Variants in STK35 observed in about 807,000 individuals in gnomAD.
The protein encoded by STK35 is serine/threonine kinase 35.
A neutral mutation model predicts 37.3 loss-of-function variants in STK35; 17 were observed. That is an observed-to-expected ratio of 0.46 (90% confidence interval 0.31 to 0.68). The LOEUF is 0.68. Ranked by LOEUF, STK35 falls within the 30% of genes least tolerant of loss-of-function variation. STK35 has a pLI of 0.05. For synonymous variants in STK35, 385 were observed against 319.1 expected (o/e 1.21, Z -2.20); for missense variants, 595 against 746.7 (o/e 0.80, Z 2.37).
At chr20:2,119,073 T>G (rs1449869157) in intron 3 of STK35, among the ~76,000 whole-genome samples, 2 of 152,228 alleles carry the variant, frequency 1.3e-5, no homozygotes, top group African/African-American at 4.8e-5. Context: ...TTCTCCATCT[T>G]CATGAATTCT....
intron 2 of STK35, 66 bp downstream of exon 2, chr20:2,103,431 C>A: frequency 1.3e-6 from 2 of 1,486,704 alleles, no homozygotes; most frequent in Non-Finnish European, 1.8e-6. Flanking sequence ...GACGGCTTGG[C>A]CCACACTGTT....
At chr20:2,140,180 C>A (rs960291335) in intron 3 of STK35, among the ~76,000 whole-genome samples, 4 of 152,184 alleles carry the variant, frequency 2.6e-5, no homozygotes, top group Admixed American at 6.5e-5. Context: ...ATCACATCAC[C>A]ACTTTTCATT....
chr20:2,101,982 G>C lies in STK35; in HGVS notation c.101G>C (p.Ser34Thr), dbSNP rs528879204. The C allele has an allele frequency of 1.3e-6, 2 of 1,525,852 alleles. No homozygotes were observed. Among genetic ancestry groups the C allele is most frequent in the African/African-American group, 2.8e-5 (2 of 72,242 alleles). 94.5% of individuals were successfully genotyped at this position (1,525,852 alleles called of 1,614,324 possible). A position where few individuals can be genotyped will look rare whatever the true frequency, so the allele number is the denominator to read the frequency against. ...KGLSWREHVE[S>T]HGSLGAQASP... ...CTCAGCTGGCGCGAACACGTGGAAA[G>C]CCACGGGAGCCTAGGAGCCCAGGCT... The change falls in exon 1 of 4, where the codon AGC becomes ACC. Residue 34 changes from serine to threonine, a missense_variant. This residue lies in a region of STK35 where 389 missense variants were observed against 320.0 expected (regional missense o/e 1.22). Coordinates refer to ENST00000381482, the MANE Select transcript of STK35 (RefSeq NM_080836.4).
At chr20:2,102,644 G>A (rs1195903476) in intron 1 of STK35, 124 bp from the exon 2 acceptor site, 21 of 865,398 alleles carry the variant, frequency 2.4e-5, no homozygotes, top group Admixed American at 1.7e-4. Flanking sequence ...TTCAATCAGC[G>A]GCGGTGGCTT....
chr20:2,104,350 G>A (rs1985472767), intron 2 of STK35, among the ~76,000 whole-genome samples: 1 of 152,174 alleles, frequency 6.6e-6, no homozygotes. Context: ...TCTCAGTGCT[G>A]AAGTAATTTT....
chr20:2,120,894 T>C (rs1985805315), intron 3 of STK35, among the ~76,000 whole-genome samples: 1 of 151,832 alleles, frequency 6.6e-6, no homozygotes, highest in African/African-American at 2.4e-5. Flanking sequence ...GATCTGAAGC[T>C]TGGGTGGTGG....
chr20:2,107,744 G>C (rs148737307), intron 2 of STK35, among the ~76,000 whole-genome samples: 2 of 152,154 alleles, frequency 1.3e-5, no homozygotes, highest in African/African-American at 2.4e-5. Context: ...CTTCAGAGCA[G>C]AGCAAGGCCG....
At position 2,102,135 on chromosome 20, in the gene STK35, G is replaced by A. The variant is rs35569160; in HGVS notation, c.254G>A (p.Gly85Glu). The A allele has an allele frequency of 1.8e-5, 25 of 1,398,426 alleles. No homozygotes were observed. The highest frequency in any genetic ancestry group is 7.4e-5 in the South Asian group (5 of 67,966). The allele number at this position is 1,398,426 out of a possible 1,614,324, so 86.6% of individuals were successfully genotyped here. The part of the protein sequence containing the change: ...GADHPQAGAP[G>E]GKRAARKWRC... ...GACCATCCCCAGGCAGGGGCTCCAG[G>A]GGGGAAACGGGCCGCCCGGAAGTGG... is the stretch of plus-strand genomic sequence containing the variant. Residue 85 changes from glycine (G) to glutamate (E), a missense_variant, in exon 1 of 4, where the codon GGG becomes GAG. This residue lies in a region of STK35 where 389 missense variants were observed against 320.0 expected (regional missense o/e 1.22). Coordinates refer to ENST00000381482, the MANE Select transcript of STK35 (RefSeq NM_080836.4).
chr20:2,130,851 AGTCACTCCTTTGGCCATCCC>A (rs1568580226), intron 3 of STK35, among the ~76,000 whole-genome samples: 5 of 152,054 alleles, frequency 3.3e-5, no homozygotes, highest in Admixed American at 2.0e-4. Flanking sequence ...GGGGCTTTGG[AGTCACTCCTTTGGCCATCCC>A]GTCACACCGT....
chr20:2,122,151 T>A (rs1303654895), intron 3 of STK35, among the ~76,000 whole-genome samples: 1 of 152,082 alleles, frequency 6.6e-6, no homozygotes, highest in African/African-American at 2.4e-5. Context: ...CTGGGCAACA[T>A]GGTGAAACCT....
intron 3 of STK35, among the ~76,000 whole-genome samples, chr20:2,127,492 G>C (rs932239877): frequency 2.6e-5 from 4 of 152,116 alleles, no homozygotes; most frequent in African/African-American, 9.7e-5. Flanking sequence ...GATGATGTTT[G>C]GAAGGAACCC....
intron 3 of STK35, among the ~76,000 whole-genome samples, chr20:2,137,401 G>C (rs1986104496): frequency 6.6e-6 from 1 of 152,210 alleles, no homozygotes; most frequent in African/African-American, 2.4e-5. Flanking sequence ...CCTGCCCCTG[G>C]ATATCTGCCT....
In STK35 at chr20:2,117,651, G is replaced by C. The variant is rs1217008172; in HGVS notation, c.*37+236G>C. Among the ~76,000 whole-genome samples, 1 of 152,100 alleles carries C rather than the reference G, an allele frequency of 6.6e-6. No individual in the cohort carries two copies. Among genetic ancestry groups the C allele is most frequent in the African/African-American group, 2.4e-5 (1 of 41,412 alleles). ...GTAGAGACGGAGTTTCACCATGTTG[G>C]CTAGGCTGGTCTCAAACTTCTGACC... On this transcript the variant is annotated intron_variant, in intron 3 of 3. Coordinates refer to ENST00000381482, the MANE Select transcript of STK35 (RefSeq NM_080836.4). This position sits in a 1 kb window ranked among gnomAD's most constrained non-coding sequence, Gnocchi z 4.4.
intron 3 of STK35, among the ~76,000 whole-genome samples, chr20:2,124,266 A>G (rs1303291799): frequency 1.3e-5 from 2 of 152,172 alleles, no homozygotes; most frequent in Non-Finnish European, 2.9e-5. Flanking sequence ...CTACTCTGCA[A>G]AGGTCCAGAA....
At chr20:2,111,529 T>C (rs1985618705) in intron 2 of STK35, among the ~76,000 whole-genome samples, 1 of 151,970 alleles carries the variant, frequency 6.6e-6, no homozygotes, top group African/African-American at 2.4e-5. Flanking sequence ...AGACCCTGTC[T>C]CTACTAAAAA....
intron 3 of STK35, among the ~76,000 whole-genome samples, chr20:2,126,929 T>C (rs1197018991): frequency 6.6e-6 from 1 of 152,150 alleles, no homozygotes; most frequent in African/African-American, 2.4e-5. Context: ...AGGAATGGAT[T>C]AGGGCCACCC....
At chr20:2,131,718 GCGTAAAACACAAACATAAGA>G (rs1263901157) in intron 3 of STK35, among the ~76,000 whole-genome samples, 1 of 151,872 alleles carries the variant, frequency 6.6e-6, no homozygotes, top group Non-Finnish European at 1.5e-5. Context: ...TTAACATTTA[GCGTAAAACACAAACATAAGA>G]CAGGGTCGCG....
intron 1 of STK35, 33 bp downstream of exon 1, chr20:2,102,208 G>C: frequency 2.9e-6 from 4 of 1,366,176 alleles, no homozygotes; most frequent in Non-Finnish European, 3.8e-6. Context: ...GAAGGCCAGC[G>C]CCGAGGCTGG....
intron 3 of STK35, among the ~76,000 whole-genome samples, chr20:2,122,087 CT>C (rs1217268633): frequency 6.6e-6 from 1 of 152,206 alleles, no homozygotes; most frequent in Non-Finnish European, 1.5e-5. Flanking sequence ...AATCCCAGCA[CT>C]TTGGGAAGCC....
Sources: allele counts gnomAD v4.1 joint callset (sites outside exome capture counted in the v4.1 genomes callset), GRCh38; gene constraint gnomAD v4.1.1; regional missense constraint gnomAD v4.1.1; non-coding constraint Gnocchi (gnomAD v3.1); transcripts MANE v1.5; gene names NCBI Gene and HGNC (gene_info 2026-07-23, HGNC 2026-07-21).